AZIN1: variants seen among roughly 807,000 people sequenced by gnomAD.
The protein encoded by AZIN1 is antizyme inhibitor 1, also known as ornithine decarboxylase antizyme inhibitor.
AZIN1 carries 12 observed loss-of-function variants against 47.4 expected under a neutral mutation model. That is an observed-to-expected ratio of 0.25 (90% CI 0.16 to 0.41). AZIN1 has a LOEUF of 0.41. Among genes scored for constraint, AZIN1 ranks in the 10% least tolerant of loss-of-function variants. The pLI is 1.00. For missense variants in AZIN1, 410 were observed against 532.4 expected (o/e 0.77, Z 2.26); for synonymous variants, 155 against 176.3 (o/e 0.88, Z 0.96).
chr8:102,839,887 A>T, intron 3 of AZIN1, 64 bp from the exon 4 acceptor site: 1 of 1,157,598 alleles, frequency 8.6e-7, no homozygotes. Context: ...AAGTATCAAA[A>T]CAGGAAAGAA....
chr8:102,857,519 C>A (rs543175162), intron 2 of AZIN1, among the ~76,000 whole-genome samples: 2 of 152,016 alleles, frequency 1.3e-5, no homozygotes, highest in African/African-American at 4.8e-5. Context: ...CAAAAACTAT[C>A]CTTGAAAATC....
At chr8:102,853,866 G>A (rs966387957) in intron 2 of AZIN1, among the ~76,000 whole-genome samples, 4 of 148,900 alleles carry the variant, frequency 2.7e-5, no homozygotes, top group Admixed American at 6.7e-5. Flanking sequence ...AAATTAAATC[G>A]GGGGGTGGGG....
At chr8:102,854,989 AC>A (rs1813191556) in intron 2 of AZIN1, among the ~76,000 whole-genome samples, 1 of 152,172 alleles carries the variant, frequency 6.6e-6, no homozygotes, top group Non-Finnish European at 1.5e-5. Context: ...TTATAATTAA[AC>A]CTACAACCAA....
chr8:102,864,166 G>A (rs1001371924), upstream of AZIN1: 2 of 182,220 alleles, frequency 1.1e-5, no homozygotes, highest in Non-Finnish European at 2.3e-5. Flanking sequence ...GAAAGTGTGA[G>A]AAGGCGGCGC....
Position 102,854,100 on chromosome 8 carries a change from A to G in AZIN1, c.-96+3913T>C, listed in dbSNP as rs140541675. Among the ~76,000 whole-genome samples the G allele has an allele frequency of 3.8e-3, 576 of 151,822 alleles. 2 individuals are homozygous for G. The highest frequency in any genetic ancestry group is 0.013 in the African/African-American group (551 of 41,408). Reference sequence around the variant, plus strand: ...CATGCGTGCACCACCATGCCCAACTAATTTATTTTTGTATTTTTAGTAGAG... The same window carrying G: ...CATGCGTGCACCACCATGCCCAACTGATTTATTTTTGTATTTTTAGTAGAG... On this transcript the variant is annotated intron_variant, in intron 2 of 11. Transcript: ENST00000337198.
chr8:102,860,890 G>C (rs1813604750), intron 1 of AZIN1, among the ~76,000 whole-genome samples: 1 of 152,172 alleles, frequency 6.6e-6, no homozygotes, highest in South Asian at 2.1e-4. Context: ...TATTCTACCA[G>C]ATATCTGGCA....
chr8:102,843,108 TGA>T (rs1162853805), intron 3 of AZIN1, among the ~76,000 whole-genome samples: 4 of 148,114 alleles, frequency 2.7e-5, no homozygotes, highest in Non-Finnish European at 4.4e-5. Flanking sequence ...TTCAGGAGGC[TGA>T]GAGAGAACTG....
intron 3 of AZIN1, among the ~76,000 whole-genome samples, chr8:102,842,575 C>T (rs938783391): frequency 5.3e-5 from 8 of 151,424 alleles, no homozygotes; most frequent in African/African-American, 1.2e-4. Flanking sequence ...GGCATGGTGG[C>T]GGGCGCCTGT....
At chr8:102,841,764 TAAAG>T (rs143620492) in intron 3 of AZIN1, among the ~76,000 whole-genome samples, 1,978 of 99,724 alleles carry the variant, frequency 0.02, 39 homozygotes, top group Middle Eastern at 0.077. Flanking sequence ...TTTCCTCCAA[TAAAG>T]AAAGATTGTA....
chr8:102,844,051 T>C (rs573309629), intron 2 of AZIN1, among the ~76,000 whole-genome samples: 1 of 152,348 alleles, frequency 6.6e-6, no homozygotes, highest in African/African-American at 2.4e-5. Context: ...TATTATCTTG[T>C]TTTGCGTTCC....
At chr8:102,830,401 C>CAAAAAA (rs34437491) in intron 9 of AZIN1, among the ~76,000 whole-genome samples, 6 of 90,582 alleles carry the variant, frequency 6.6e-5, no homozygotes, top group Non-Finnish European at 8.9e-5. Flanking sequence ...GACCCTGTCT[C>CAAAAAA]AAAAAAAAAA....
chr8:102,834,061 G>A, intron 8 of AZIN1, 128 bp downstream of exon 8: 1 of 680,706 alleles, frequency 1.5e-6, no homozygotes, highest in Non-Finnish European at 2.4e-6. Context: ...CCTTTTCTAA[G>A]AACATAATTT....
At chr8:102,839,926 T>A (rs902016091) in intron 3 of AZIN1, 103 bp from the exon 4 acceptor site, 1 of 737,200 alleles carries the variant, frequency 1.4e-6, no homozygotes, top group African/African-American at 1.8e-5. Flanking sequence ...AATATATGGG[T>A]CAAGACATAT....
At chr8:102,852,032 T>A (rs926750569) in intron 2 of AZIN1, among the ~76,000 whole-genome samples, 1 of 152,212 alleles carries the variant, frequency 6.6e-6, no homozygotes, top group African/African-American at 2.4e-5. Flanking sequence ...GAGCTCTTCA[T>A]GAATTTAGGA....
chr8:102,832,631 C>A (rs1363018124), intron 9 of AZIN1, among the ~76,000 whole-genome samples: 1 of 151,234 alleles, frequency 6.6e-6, no homozygotes, highest in Non-Finnish European at 1.5e-5. Flanking sequence ...GGAATGGGAC[C>A]TTGGCTTTAA....
chr8:102,848,472 C>A (rs1812725972), intron 2 of AZIN1, among the ~76,000 whole-genome samples: 1 of 152,232 alleles, frequency 6.6e-6, no homozygotes, highest in South Asian at 2.1e-4. Context: ...TTCTTGGGCT[C>A]AAGCTATCCT....
chr8:102,837,458 G>C (rs1019677671), intron 5 of AZIN1, among the ~76,000 whole-genome samples: 7 of 152,156 alleles, frequency 4.6e-5, no homozygotes, highest in Non-Finnish European at 7.4e-5. Context: ...AACTAAGAAG[G>C]TTAATAATAT....
At chr8:102,839,563 TC>T (rs1457062015) in intron 4 of AZIN1, 86 bp downstream of exon 4, 1 of 961,398 alleles carries the variant, frequency 1.0e-6, no homozygotes, top group Non-Finnish European at 1.4e-6. Context: ...AAGTCAAACT[TC>T]CTTGCATTTG....
At chr8:102,831,641 C>CAAAAAAAAAAAAAAAAAA (rs35860063) in intron 9 of AZIN1, among the ~76,000 whole-genome samples, 1 of 83,840 alleles carries the variant, frequency 1.2e-5, no homozygotes, top group Admixed American at 1.4e-4. Flanking sequence ...AAAACAGTCT[C>CAAAAAAAAAAAAAAAAAA]AAAAAAAAAA....
Sources: allele counts gnomAD v4.1 joint callset (sites outside exome capture counted in the v4.1 genomes callset), GRCh38; gene constraint gnomAD v4.1.1; transcripts MANE v1.5; gene names NCBI Gene and HGNC (gene_info 2026-07-23, HGNC 2026-07-21).